The following TTC23 variants were observed in gnomAD, a reference collection of about 807,000 sequenced individuals.
TTC23 encodes tetratricopeptide repeat domain 23, also known as tetratricopeptide repeat protein 23.
TTC23 carries 58 observed loss-of-function variants against 55.1 expected under a neutral mutation model. The observed-to-expected ratio is 1.05, with a 90% CI of 0.85 to 1.31. The LOEUF (loss-of-function observed/expected upper bound fraction) is 1.31, where lower values mean the gene tolerates loss of function less well. Ranked by LOEUF, TTC23 falls within the 50% of genes most tolerant of loss-of-function variation. The pLI, the probability that TTC23 is intolerant of heterozygous loss-of-function variation, is 0.00. For missense variants in TTC23, 516 were observed against 534.4 expected (o/e 0.97, Z 0.34); for synonymous variants, 203 against 199.9 (o/e 1.02, Z -0.13).
chr15:99,199,806 C>G, intron 9 of TTC23, 113 bp downstream of exon 9: 1 of 1,101,726 alleles, frequency 9.1e-7, no homozygotes, highest in Non-Finnish European at 1.3e-6. Context: ...CAACTGTTGT[C>G]CTTATCTAGA....
intron 12 of TTC23, among the ~76,000 whole-genome samples, chr15:99,143,139 G>A (rs1555491319): frequency 1.3e-5 from 2 of 152,174 alleles, no homozygotes. Flanking sequence ...CAGGCACCAA[G>A]GCTGGAAAGA....
At chr15:99,235,528 G>T (rs2079251186) in intron 3 of TTC23, among the ~76,000 whole-genome samples, 1 of 151,686 alleles carries the variant, frequency 6.6e-6, no homozygotes, top group African/African-American at 2.4e-5. Context: ...ACACCACCAC[G>T]CCCAGCTAAT....
chr15:99,227,444 C>T (rs1294202754), intron 5 of TTC23, among the ~76,000 whole-genome samples: 1 of 152,218 alleles, frequency 6.6e-6, no homozygotes, highest in African/African-American at 2.4e-5. Flanking sequence ...GCCAGGATTA[C>T]TGCAAATATC....
At position 99,216,141 on chromosome 15, in the gene TTC23, A is replaced by G. The variant is rs571108649; in HGVS notation, c.581+2447T>C. 4.3e-4 allele frequency among the ~76,000 whole-genome samples: 66 copies of G among 152,232 alleles called. 1 individual carries two copies. The highest frequency in any genetic ancestry group is 8.4e-4 in the Non-Finnish European group (57 of 68,036). ...ACAATTACAAATCAGTAACACCAAG[A>G]TATCTTGAAAACTCTCATACCTGCA... On this transcript the variant is annotated intron_variant, in intron 8 of 13. Coordinates refer to ENST00000394132, the MANE Select transcript of TTC23 (RefSeq NM_001288615.3).
rs536697781 is a variant in TTC23, at chr15:99,149,740, T to C, written c.1143+6408A>G. On this transcript the variant is annotated intron_variant, in intron 12 of 13. Transcript: ENST00000394132. ...GCCCCTTCTCTGTTTAACAGAGCTA[T>C]GCAGGTCTGACCTGCGGAGTTGCTG... is the stretch of plus-strand genomic sequence containing the variant. Among the ~76,000 whole-genome samples the C allele has an allele frequency of 7.2e-5, 11 of 152,368 alleles. No homozygotes were observed. In the South Asian group the frequency reaches 1.5e-3, roughly 20 times the overall value.
At chr15:99,176,078 T>C (rs2073514957) in intron 9 of TTC23, among the ~76,000 whole-genome samples, 1 of 152,182 alleles carries the variant, frequency 6.6e-6, no homozygotes, top group Admixed American at 6.5e-5. Flanking sequence ...ACATGCAAAA[T>C]ACCTGCTTTC....
chr15:99,173,333 G>A (rs1409522516), intron 10 of TTC23, among the ~76,000 whole-genome samples: 1 of 152,182 alleles, frequency 6.6e-6, no homozygotes, highest in Non-Finnish European at 1.5e-5. Context: ...GCTCATGCCT[G>A]TTATCCCAGA....
chr15:99,177,823 T>C (rs1290960464), intron 9 of TTC23, among the ~76,000 whole-genome samples: 3 of 152,226 alleles, frequency 2.0e-5, no homozygotes, highest in South Asian at 2.1e-4. Flanking sequence ...ACACTGTAAG[T>C]TGTTTTTTTG....
chr15:99,218,044 GA>G (rs2077611499), intron 8 of TTC23, among the ~76,000 whole-genome samples: 1 of 152,164 alleles, frequency 6.6e-6, no homozygotes, highest in Admixed American at 6.5e-5. Context: ...ATACTCTGAG[GA>G]ATTGGCTTAG....
At chr15:99,193,696 T>A (rs1362402114) in intron 9 of TTC23, among the ~76,000 whole-genome samples, 1 of 152,158 alleles carries the variant, frequency 6.6e-6, no homozygotes, top group Admixed American at 6.5e-5. Flanking sequence ...GAGACCTTTT[T>A]TTTTGAACTT....
intron 10 of TTC23, among the ~76,000 whole-genome samples, chr15:99,170,513 G>A (rs1448418194): frequency 6.6e-6 from 1 of 152,242 alleles, no homozygotes; most frequent in East Asian, 1.9e-4. Context: ...GGTGGAATGT[G>A]CAGATTTGCT....
chr15:99,145,058 G>A (rs1046184726), intron 12 of TTC23: 1 of 152,214 alleles, frequency 6.6e-6, no homozygotes. Flanking sequence ...ACTAACTTGG[G>A]GGAATTGAAG....
chr15:99,182,238 TCTCTCTCTCTCACA>T (rs1469491445), intron 9 of TTC23, among the ~76,000 whole-genome samples: 7 of 108,488 alleles, frequency 6.5e-5, no homozygotes, highest in South Asian at 3.3e-4. Flanking sequence ...TCTCTCTCTC[TCTCTCTCTCTCACA>T]CACACACACA....
chr15:99,194,546 C>G (rs2075528548), intron 9 of TTC23, among the ~76,000 whole-genome samples: 1 of 113,960 alleles, frequency 8.8e-6, no homozygotes, highest in African/African-American at 3.4e-5. Context: ...AATTGGACAT[C>G]ACGTGCAAAA....
intron 1 of TTC23, among the ~76,000 whole-genome samples, chr15:99,246,770 A>T (rs1350236514): frequency 6.6e-6 from 1 of 151,848 alleles, no homozygotes; most frequent in Non-Finnish European, 1.5e-5. Context: ...AATACAAAAA[A>T]TTAGCTGGGC....
At chr15:99,239,065 A>G (rs1415063191) in intron 3 of TTC23, among the ~76,000 whole-genome samples, 1 of 152,238 alleles carries the variant, frequency 6.6e-6, no homozygotes, top group African/African-American at 2.4e-5. Context: ...TTCCTCATAA[A>G]GCTTATATAG....
chr15:99,240,975 T>C (rs1183239217), intron 3 of TTC23, among the ~76,000 whole-genome samples: 4 of 152,182 alleles, frequency 2.6e-5, no homozygotes, highest in African/African-American at 2.4e-5. Flanking sequence ...TTTAAATGTA[T>C]GTGTTTCAAT....
chr15:99,165,097 G>T (rs1359128575), intron 10 of TTC23, among the ~76,000 whole-genome samples: 1 of 152,196 alleles, frequency 6.6e-6, no homozygotes, highest in Non-Finnish European at 1.5e-5. Flanking sequence ...AAATGTTGAT[G>T]ATTTTAATTT....
chr15:99,156,605 C>T (rs2070614567), intron 11 of TTC23, among the ~76,000 whole-genome samples: 2 of 152,232 alleles, frequency 1.3e-5, no homozygotes, highest in South Asian at 4.2e-4. Flanking sequence ...GGGGCAAAGC[C>T]CCTTATAAAA....
Sources: gnomAD v4.1 joint callset for allele counts (sites outside exome capture counted in the v4.1 genomes callset) on GRCh38, gnomAD v4.1.1 for gene constraint, MANE v1.5 for transcripts, NCBI Gene and HGNC (gene_info 2026-07-23, HGNC 2026-07-21) for gene names.